The following PRKCH variants were observed in gnomAD, a reference collection of about 807,000 sequenced individuals.
The protein encoded by PRKCH is protein kinase C eta.
In PRKCH, 28 loss-of-function variants were observed where a neutral mutation model predicts 82.5. The observed-to-expected ratio is 0.34, with a 90% CI of 0.25 to 0.47. The LOEUF (loss-of-function observed/expected upper bound fraction) is 0.47, where lower values mean the gene tolerates loss of function less well. PRKCH is among the 20% of genes least tolerant of loss of function. PRKCH has a pLI of 1.00. For synonymous variants in PRKCH, 322 were observed against 327.4 expected, an observed-to-expected ratio of 0.98 and a Z score of 0.18; for missense variants, 705 against 881.8, an observed-to-expected ratio of 0.80 and a Z score of 2.54.
upstream of PRKCH, among the ~76,000 whole-genome samples, chr14:61,317,942 A>C (rs915800838): frequency 5.3e-5 from 8 of 152,164 alleles, no homozygotes; most frequent in African/African-American, 1.9e-4. Flanking sequence ...TCACAACCAC[A>C]TAGCCAATTC....
chr14:61,495,195 C>A (rs1331087827), intron 10 of PRKCH, among the ~76,000 whole-genome samples: 1 of 152,212 alleles, frequency 6.6e-6, no homozygotes, highest in African/African-American at 2.4e-5. Flanking sequence ...TCTCAAAGGA[C>A]CTAACTTTAT....
intron 1 of PRKCH, among the ~76,000 whole-genome samples, chr14:61,277,021 T>C (rs2045209715): frequency 6.6e-6 from 1 of 151,948 alleles, no homozygotes; most frequent in Non-Finnish European, 1.5e-5. Context: ...CCATCTCTAC[T>C]AAAAGTATAT....
chr14:61,441,353 C>G (rs563333669), intron 2 of PRKCH, among the ~76,000 whole-genome samples: 1 of 152,108 alleles, frequency 6.6e-6, no homozygotes, highest in East Asian at 1.9e-4. Flanking sequence ...AAAAGAGAGC[C>G]GGTGTGGTAG....
At chr14:61,217,428 A>G (rs1319068496) in intron 1 of PRKCH, among the ~76,000 whole-genome samples, 1 of 152,162 alleles carries the variant, frequency 6.6e-6, no homozygotes, top group Non-Finnish European at 1.5e-5. Context: ...TAAATAAATA[A>G]GATAAAAAAT....
intron 10 of PRKCH, 102 bp from the exon 11 acceptor site, chr14:61,528,973 C>CATGTGTGTGTGT: frequency 3.5e-6 from 2 of 565,714 alleles, no homozygotes; most frequent in Non-Finnish European, 5.2e-6. Flanking sequence ...TGTGGCCGCA[C>CATGTGTGTGTGT]GTGTGTGTGT....
Position 61,322,623 on chromosome 14 carries a change from G to T in PRKCH, c.363+159G>T, listed in dbSNP as rs1325265293. ...CACGTGGCCGCGGCACTGGTGACGC[G>T]ACCGCGGTGGGTGTGTGCAGGCGCA... On this transcript the variant is annotated intron_variant, in intron 1 of 13. Coordinates refer to ENST00000332981, the MANE Select transcript of PRKCH (RefSeq NM_006255.5). 1.5e-5 allele frequency: 15 copies of T among 1,019,928 alleles called. No homozygotes were observed. In the Admixed American group the frequency reaches 4.4e-4, roughly 30 times the overall value. The allele number at this position is 1,019,928 out of a possible 1,614,324, so 63.2% of individuals were successfully genotyped here. A position where few individuals can be genotyped will look rare whatever the true frequency, so the allele number is the denominator to read the frequency against.
intron 1 of PRKCH, chr14:61,278,455 A>G (rs2045223692): frequency 6.6e-6 from 1 of 152,260 alleles, no homozygotes; most frequent in South Asian, 2.1e-4. Flanking sequence ...CACATTGTCC[A>G]TGTTCAGTAA....
chr14:61,428,955 T>C (rs1171780558), intron 2 of PRKCH, among the ~76,000 whole-genome samples: 4 of 152,196 alleles, frequency 2.6e-5, no homozygotes, highest in Non-Finnish European at 5.9e-5. Flanking sequence ...TTTGCTTAGA[T>C]GGTTTAAAGA....
intron 1 of PRKCH, among the ~76,000 whole-genome samples, chr14:61,384,151 C>T (rs2046552310): frequency 2.0e-5 from 3 of 152,102 alleles, no homozygotes; most frequent in Admixed American, 2.0e-4. Context: ...CAGATGGTCA[C>T]GGTGCCTCAA....
intron 1 of PRKCH, among the ~76,000 whole-genome samples, chr14:61,224,809 A>G (rs1292345415): frequency 6.6e-6 from 1 of 152,124 alleles, no homozygotes; most frequent in Admixed American, 6.5e-5. Flanking sequence ...CACTCTTTGG[A>G]AGCAAGTTTC....
At chr14:61,455,734 C>T (rs1566892533) in intron 7 of PRKCH, among the ~76,000 whole-genome samples, 1 of 152,206 alleles carries the variant, frequency 6.6e-6, no homozygotes, top group African/African-American at 2.4e-5. Context: ...TAATCCATGA[C>T]ATCCGGTGCC....
chr14:61,512,802 T>G (rs1043491463), intron 10 of PRKCH, among the ~76,000 whole-genome samples: 8 of 152,056 alleles, frequency 5.3e-5, no homozygotes, highest in Admixed American at 5.2e-4. Context: ...ATTTTCTTTG[T>G]TTTGGGGGTT....
intron 10 of PRKCH, among the ~76,000 whole-genome samples, chr14:61,496,130 C>T (rs575750827): frequency 6.6e-6 from 1 of 152,264 alleles, no homozygotes; most frequent in South Asian, 2.1e-4. Context: ...GCGTCATGGG[C>T]GTCGAGGGCC....
intron 2 of PRKCH, among the ~76,000 whole-genome samples, chr14:61,414,299 G>A (rs920953562): frequency 2.0e-5 from 3 of 148,988 alleles, no homozygotes; most frequent in Non-Finnish European, 1.5e-5. Context: ...TTGAAATGGA[G>A]TCTCACTCTG....
chr14:61,500,481 A>T (rs1421853322), intron 10 of PRKCH, among the ~76,000 whole-genome samples: 1 of 152,104 alleles, frequency 6.6e-6, no homozygotes, highest in Non-Finnish European at 1.5e-5. Flanking sequence ...TACAGCTTGA[A>T]CCACCATGCC....
At chr14:61,435,107 G>T (rs1433723269) in intron 2 of PRKCH, among the ~76,000 whole-genome samples, 1 of 152,166 alleles carries the variant, frequency 6.6e-6, no homozygotes, top group Non-Finnish European at 1.5e-5. Flanking sequence ...CGCTGAGGGT[G>T]TTCAACCAGG....
intron 2 of PRKCH, among the ~76,000 whole-genome samples, chr14:61,416,610 T>C (rs1417472675): frequency 6.6e-6 from 1 of 152,080 alleles, no homozygotes; most frequent in Non-Finnish European, 1.5e-5. Context: ...TGTCCTGAGA[T>C]ACAACACCCC....
intron 10 of PRKCH, among the ~76,000 whole-genome samples, chr14:61,528,502 A>G (rs2042999807): frequency 1.3e-5 from 2 of 152,234 alleles, no homozygotes; most frequent in Admixed American, 1.3e-4. Flanking sequence ...TCTTAAGTAC[A>G]TTATGCCAGG....
intron 1 of PRKCH, among the ~76,000 whole-genome samples, chr14:61,231,947 C>T (rs1021200680): frequency 2.6e-5 from 4 of 152,178 alleles, no homozygotes; most frequent in South Asian, 2.1e-4. Context: ...CAGCAACAGA[C>T]GCCAGCTGGA....
Sources: gnomAD v4.1 joint callset for allele counts (sites outside exome capture counted in the v4.1 genomes callset) on GRCh38, gnomAD v4.1.1 for gene constraint, MANE v1.5 for transcripts, NCBI Gene and HGNC (gene_info 2026-07-23, HGNC 2026-07-21) for gene names.